Variants in PLEKHA8 observed in about 807,000 individuals in gnomAD.
PLEKHA8 encodes the protein pleckstrin homology domain containing A8.
PLEKHA8 carries 36 observed loss-of-function variants against 68.2 expected under a neutral mutation model. That is an observed-to-expected ratio of 0.53 (90% CI 0.40 to 0.70). The LOEUF (loss-of-function observed/expected upper bound fraction) is 0.70. Ranked by LOEUF, PLEKHA8 falls within the 30% of genes least tolerant of loss-of-function variation. The pLI, the probability that PLEKHA8 is intolerant of heterozygous loss-of-function variation, is 0.00. For synonymous variants in PLEKHA8, 211 were observed against 216.1 expected (o/e 0.98, Z 0.20); for missense variants, 505 against 615.4 (o/e 0.82, Z 1.90).
intron 10 of PLEKHA8, 131 bp downstream of exon 10, chr7:30,061,073 T>C (rs1793398714): frequency 2.5e-6 from 2 of 804,538 alleles, no homozygotes; most frequent in Non-Finnish European, 4.0e-6. Context: ...CAAGCATCTT[T>C]CTTCTCACAC....
chr7:30,068,774 C>T lies in PLEKHA8; in HGVS notation c.1301-5297C>T, dbSNP rs552716573. Among the ~76,000 whole-genome samples the T allele has an allele frequency of 2.7e-3, 406 of 152,202 alleles. 2 individuals carry two copies. The highest frequency in any genetic ancestry group is 9.3e-3 in the African/African-American group (387 of 41,522). The stretch of plus-strand genomic sequence containing the variant: ...TGTCATTCTTTCTTTATGGATTGTA[C>T]TTCTTAAAGAAATCCCTCTCTCCCT... On this transcript the variant is annotated intron_variant, in intron 12 of 13. Coordinates refer to ENST00000449726, the MANE Select transcript of PLEKHA8 (RefSeq NM_001197026.2).
intron 12 of PLEKHA8, 81 bp downstream of exon 12, chr7:30,062,823 G>A (rs1793547456): frequency 1.0e-6 from 1 of 988,108 alleles, no homozygotes. Context: ...GGGTATAGGG[G>A]ATATTTCTGC....
At chr7:30,050,697 G>C in intron 6 of PLEKHA8, 1 of 447,014 alleles carries the variant, frequency 2.2e-6, no homozygotes, top group Non-Finnish European at 3.7e-6. Flanking sequence ...TTTTCCCTAA[G>C]ATGGATCTCA....
At chr7:30,123,461 G>A (rs577574668) in intron 13 of PLEKHA8, among the ~76,000 whole-genome samples, 15 of 152,286 alleles carry the variant, frequency 9.8e-5, no homozygotes, top group South Asian at 8.3e-4. Flanking sequence ...AGGGATCCCC[G>A]TCCTCAAACA....
intron 6 of PLEKHA8, among the ~76,000 whole-genome samples, chr7:30,051,146 C>T (rs905814278): frequency 2.4e-4 from 37 of 152,150 alleles, no homozygotes; most frequent in African/African-American, 6.3e-4. Context: ...GCAATTCACC[C>T]GCCTTGGTCT....
rs1792208619 is a variant in PLEKHA8 at position 30,049,246 on chromosome 7, T to C, written c.461T>C (p.Leu154Ser). 1.2e-6 allele frequency: 2 copies of C among 1,613,838 alleles called. No homozygotes were observed. Among genetic ancestry groups the C allele is most frequent in the African/African-American group, 1.3e-5 (1 of 74,918 alleles). The change falls in exon 5 of 14, where the codon TTG (leucine) becomes TCG (serine). Residue 154 changes from leucine to serine, a missense_variant. Coordinates refer to ENST00000449726, the MANE Select transcript of PLEKHA8 (RefSeq NM_001197026.2). ...TAGGAGGGAATTGATGTGGGAACTTTGCTGAAATCAACCTGTAATACTTTT... is the reference window on the plus strand; with the variant it reads ...TAGGAGGGAATTGATGTGGGAACTTCGCTGAAATCAACCTGTAATACTTTT... The part of the protein sequence containing the change: ...NSEEGIDVGT[L>S]LKSTCNTFLK...
intron 13 of PLEKHA8, among the ~76,000 whole-genome samples, chr7:30,121,734 T>G (rs1002927936): frequency 6.6e-6 from 1 of 152,340 alleles, no homozygotes; most frequent in Non-Finnish European, 1.5e-5. Flanking sequence ...CAGAGGCACA[T>G]TTTGGAGATG....
At chr7:30,118,084 G>T in intron 13 of PLEKHA8, 1 of 1,415,306 alleles carries the variant, frequency 7.1e-7, no homozygotes, top group South Asian at 1.5e-5. Flanking sequence ...TCACATCTGG[G>T]TGACGCCTCT....
intron 13 of PLEKHA8, among the ~76,000 whole-genome samples, chr7:30,115,677 C>T (rs538755334): frequency 6.0e-5 from 9 of 150,368 alleles, no homozygotes; most frequent in South Asian, 2.1e-4. Flanking sequence ...TGTATACATA[C>T]GCACATACAT....
chr7:30,047,966 TA>T lies in PLEKHA8; in HGVS notation c.438+11del. 1 of 1,321,028 alleles carries T rather than the reference TA, an allele frequency of 7.6e-7. No individual in the cohort carries two copies. The highest frequency in any genetic ancestry group is 3.0e-5 in the East Asian group (1 of 33,248). The allele number at this position is 1,321,028 out of a possible 1,614,324, so 81.8% of individuals were successfully genotyped here. The stretch of plus-strand genomic sequence containing the variant: ...TGTGTCCAATTCTGAGGTAAAATAT[TA>T]TTTATTAATATTATTAATATACATG... On this transcript the variant is annotated intron_variant, in intron 4 of 13. Transcript: ENST00000449726.
Position 30,084,364 on chromosome 7 carries a change from A to C in PLEKHA8, c.*5577A>C. On this transcript the variant is annotated 3_prime_UTR_variant, in exon 14 of 14. Coordinates refer to ENST00000449726, the MANE Select transcript of PLEKHA8 (RefSeq NM_001197026.2). ...TTGTCTCTCAGCATTTTGAATGAGC[A>C]TCATAATCAGAGTAGAAGGCAAGTT... is the stretch of plus-strand genomic sequence containing the variant. 9.1e-6 allele frequency: 9 copies of C among 985,414 alleles called. No individual in the cohort carries two copies. The highest frequency in any genetic ancestry group is 1.1e-5 in the Non-Finnish European group (9 of 829,898). The allele number at this position is 985,414 out of a possible 1,614,324, so 61.0% of individuals were successfully genotyped here. A position where few individuals can be genotyped will look rare whatever the true frequency, so the allele number is the denominator to read the frequency against.
intron 13 of PLEKHA8, among the ~76,000 whole-genome samples, chr7:30,125,944 T>C (rs1429794130): frequency 6.6e-6 from 1 of 152,240 alleles, no homozygotes; most frequent in Non-Finnish European, 1.5e-5. Flanking sequence ...ATGGCTTTAT[T>C]ATCTTTGGCA....
intron 13 of PLEKHA8, among the ~76,000 whole-genome samples, chr7:30,122,589 C>A (rs916643708): frequency 2.0e-5 from 3 of 152,228 alleles, no homozygotes; most frequent in Non-Finnish European, 4.4e-5. Context: ...TTGAGAATAT[C>A]TCCATCTCCA....
chr7:30,078,734 A>G lies in PLEKHA8; in HGVS notation c.1507A>G (p.Ile503Val), dbSNP rs750072964. 3.1e-6 allele frequency: 5 copies of G among 1,613,826 alleles called. No homozygotes were observed. The Admixed American group carries it at 5.0e-5, about 16-fold the overall frequency. The change falls in exon 14 of 14, where the codon ATA becomes GTA. Residue 503 changes from isoleucine to valine, a missense_variant. Transcript: ENST00000449726. ...YLPAMEKQLA[I>V]LDTLYEVHGL... is the part of the protein sequence containing the mutation. The stretch of plus-strand genomic sequence containing the variant: ...CCCTGCCATGGAGAAGCAGCTGGCC[A>G]TACTGGACACTTTATATGAGGTCCA...
intron 13 of PLEKHA8, among the ~76,000 whole-genome samples, chr7:30,099,055 CT>C (rs1344430530): frequency 3.3e-5 from 5 of 152,196 alleles, no homozygotes; most frequent in African/African-American, 4.8e-5. Flanking sequence ...CGTGCCCAGC[CT>C]TTTCTTTCTT....
intron 10 of PLEKHA8, 111 bp from the exon 11 acceptor site, chr7:30,061,782 CTTAA>C: frequency 8.8e-7 from 1 of 1,131,040 alleles, no homozygotes; most frequent in South Asian, 1.6e-5. Flanking sequence ...GTAATAGGAG[CTTAA>C]TTTATTTTCT....
chr7:30,028,949 C>G (rs1790432692), intron 1 of PLEKHA8, 147 bp downstream of exon 1: 6 of 953,430 alleles, frequency 6.3e-6, no homozygotes, highest in Non-Finnish European at 8.2e-6. Flanking sequence ...CAAAGCAGTT[C>G]TCTCACGGGA....
chr7:30,086,865 C>T (rs1562541863), downstream of PLEKHA8, among the ~76,000 whole-genome samples: 1 of 152,198 alleles, frequency 6.6e-6, no homozygotes, highest in Non-Finnish European at 1.5e-5. Flanking sequence ...TTGACACACA[C>T]ATCCTGCCAC....
At chr7:30,111,424 T>C (rs1796271819) in intron 13 of PLEKHA8, among the ~76,000 whole-genome samples, 1 of 152,202 alleles carries the variant, frequency 6.6e-6, no homozygotes, top group Non-Finnish European at 1.5e-5. Context: ...TTTTTCTAGA[T>C]TGTTTTGGCT....
Sources: allele counts gnomAD v4.1 joint callset (sites outside exome capture counted in the v4.1 genomes callset), GRCh38; gene constraint gnomAD v4.1.1; transcripts MANE v1.5; gene names NCBI Gene and HGNC (gene_info 2026-07-23, HGNC 2026-07-21).